The following PDSS1 variants were observed in gnomAD, a reference collection of about 807,000 sequenced individuals.
The protein encoded by PDSS1 is decaprenyl diphosphate synthase subunit 1, also known as all trans-polyprenyl-diphosphate synthase PDSS1.
A neutral mutation model predicts 57.5 loss-of-function variants in PDSS1; 43 were observed. That is an observed-to-expected ratio of 0.75 (90% CI 0.59 to 0.96). PDSS1 has a LOEUF of 0.96. Ranked by LOEUF, PDSS1 falls within the 50% of genes least tolerant of loss-of-function variation. The pLI is 0.00. For missense variants in PDSS1, 438 were observed against 527.8 expected, an observed-to-expected ratio of 0.83 and a Z score of 1.67; for synonymous variants, 175 against 191.3, an observed-to-expected ratio of 0.91 and a Z score of 0.70.
chr10:26,742,602 GGCA>G (rs1836665795), intron 11 of PDSS1, 25 bp downstream of exon 11: 2 of 1,425,826 alleles, frequency 1.4e-6, no homozygotes, highest in Non-Finnish European at 2.0e-6. Context: ...TTAAAAAAAA[GGCA>G]GCAGCAGGAA....
rs1188890992 is a variant in PDSS1 at position 26,705,333 on chromosome 10, A to T, written c.275A>T (p.Tyr92Phe). ...PDSKTHSGEK[Y>F]TDPFKLGWRD... The stretch of plus-strand genomic sequence containing the variant: ...AGTAAAACACACAGTGGTGAAAAAT[A>T]CACCGATCCTTTCAAACTCGGTTGG... The change falls in exon 4 of 12, where the codon TAC becomes TTC. Residue 92 changes from tyrosine to phenylalanine, a missense_variant. Tyr to Phe is a conservative substitution (Grantham distance 22). Around this residue, in one of 2 missense-constraint regions of PDSS1, gnomAD observed 154 missense variants for 137.0 expected, o/e 1.12. Transcript: ENST00000376215. 1.9e-6 allele frequency: 3 copies of T among 1,613,362 alleles called. No individual in the cohort carries two copies. The highest frequency in any genetic ancestry group is 2.5e-6 in the Non-Finnish European group (3 of 1,179,464).
At chr10:26,734,001 C>A (rs1431824708) in intron 8 of PDSS1, among the ~76,000 whole-genome samples, 4 of 152,142 alleles carry the variant, frequency 2.6e-5, no homozygotes, top group Non-Finnish European at 4.4e-5. Flanking sequence ...AGCAAACACA[C>A]ATTGAGTTCT....
At chr10:26,744,736 C>T (rs1388091432) in intron 11 of PDSS1, among the ~76,000 whole-genome samples, 3 of 152,018 alleles carry the variant, frequency 2.0e-5, no homozygotes, top group African/African-American at 4.8e-5. Flanking sequence ...TTCAGGAAAA[C>T]GTGTGGAAAA....
intron 4 of PDSS1, among the ~76,000 whole-genome samples, chr10:26,708,286 G>A (rs186962823): frequency 6.6e-6 from 1 of 152,316 alleles, no homozygotes; most frequent in East Asian, 1.9e-4. Context: ...GCATCCAGGG[G>A]ATAAACTCTG....
chr10:26,740,699 C>G (rs878932861), intron 10 of PDSS1: 1 of 456,600 alleles, frequency 2.2e-6, no homozygotes, highest in Non-Finnish European at 4.4e-6. Context: ...TGGCCAAAAT[C>G]AAACACATCT....
intron 8 of PDSS1, among the ~76,000 whole-genome samples, chr10:26,726,542 A>G (rs748758965): frequency 1.3e-5 from 2 of 152,222 alleles, no homozygotes; most frequent in Non-Finnish European, 2.9e-5. Flanking sequence ...AGCAAATTAG[A>G]CACACCAAAA....
rs1401126887 is a variant in PDSS1, at chr10:26,713,023, T to C, written c.467+3255T>C. Reference sequence around the variant, plus strand: ...AATTGGGGATTTTTGCTGGGCACAGTGGCTCACGCCTGTAATCCCAGCACT... The same window carrying C: ...AATTGGGGATTTTTGCTGGGCACAGCGGCTCACGCCTGTAATCCCAGCACT... On this transcript the variant is annotated intron_variant, in intron 5 of 11. Transcript: ENST00000376215. Among the ~76,000 whole-genome samples, 2 of 96,388 alleles carry C rather than the reference T, an allele frequency of 2.1e-5. 1 individual carries two copies. Among genetic ancestry groups the C allele is most frequent in the East Asian group, 5.0e-4 (2 of 3,970 alleles). The allele number at this position is 96,388 out of a possible 152,430, so 63.2% of individuals were successfully genotyped here. A position where few individuals can be genotyped will look rare whatever the true frequency, so the allele number is the denominator to read the frequency against.
intron 10 of PDSS1, chr10:26,740,842 G>A (rs528081201): frequency 6.8e-5 from 24 of 350,558 alleles, no homozygotes; most frequent in Non-Finnish European, 1.1e-4. Context: ...ACTAGAGTTC[G>A]GATCTAGGAA....
rs1394609405 is a variant in PDSS1 at position 26,710,490 on chromosome 10, G to A, written c.467+722G>A. Among the ~76,000 whole-genome samples, 6 of 92,296 alleles carry A rather than the reference G, an allele frequency of 6.5e-5. 2 individuals carry two copies. The highest frequency in any genetic ancestry group is 1.1e-4 in the African/African-American group (3 of 28,332). 60.5% of individuals were successfully genotyped at this position (92,296 alleles called of 152,430 possible). On this transcript the variant is annotated intron_variant, in intron 5 of 11. Transcript: ENST00000376215. ...TCTCAAGGTATGAGCCACCATGCCCGGCTAATTTTTTTTTTTTTTTTGTAT... is the reference window on the plus strand; with the variant it reads ...TCTCAAGGTATGAGCCACCATGCCCAGCTAATTTTTTTTTTTTTTTTGTAT...
chr10:26,745,563 T>G (rs1340115884), intron 11 of PDSS1, among the ~76,000 whole-genome samples: 2 of 151,924 alleles, frequency 1.3e-5, no homozygotes, highest in Admixed American at 1.3e-4. Context: ...AAATAAAAAC[T>G]AGGCTGGGCA....
chr10:26,735,691 G>A lies in PDSS1; in HGVS notation c.1026+112G>A, dbSNP rs543154746. 3.0e-4 allele frequency: 219 copies of A among 730,162 alleles called. 1 individual carries two copies. In the East Asian group the frequency reaches 5.4e-3, roughly 18 times the overall value. The allele number at this position is 730,162 out of a possible 1,614,324, so 45.2% of individuals were successfully genotyped here. A position where few individuals can be genotyped will look rare whatever the true frequency, so the allele number is the denominator to read the frequency against. Reference sequence around the variant, plus strand: ...AAAGGAATAGATGGGAAGGCATTCAGATAAGAGATCACAGGTCTGCATTTG... The same window carrying A: ...AAAGGAATAGATGGGAAGGCATTCAAATAAGAGATCACAGGTCTGCATTTG... On this transcript the variant is annotated intron_variant, in intron 10 of 11. Transcript: ENST00000376215.
At chr10:26,700,390 G>A (rs549257268) in intron 1 of PDSS1, among the ~76,000 whole-genome samples, 1 of 152,196 alleles carries the variant, frequency 6.6e-6, no homozygotes, top group Non-Finnish European at 1.5e-5. Flanking sequence ...AATCCCTTTA[G>A]CTCAGGAGTT....
rs1588682629 is a variant in PDSS1, at chr10:26,716,622, C to T, written c.468-3596C>T. Reference sequence around the variant, plus strand: ...CAGAAGAATCACTAAAACAAGGAGGCGAAGGTTGCAGTGAGTCAAGATTGC... The same window carrying T: ...CAGAAGAATCACTAAAACAAGGAGGTGAAGGTTGCAGTGAGTCAAGATTGC... On this transcript the variant is annotated intron_variant, in intron 5 of 11. Coordinates refer to ENST00000376215, the MANE Select transcript of PDSS1 (RefSeq NM_014317.5). 3.3e-5 allele frequency among the ~76,000 whole-genome samples: 5 copies of T among 151,568 alleles called. No individual in the cohort carries two copies. In the South Asian group the frequency reaches 8.3e-4, roughly 25 times the overall value.
intron 1 of PDSS1, among the ~76,000 whole-genome samples, chr10:26,700,607 T>C (rs1835022120): frequency 6.6e-6 from 1 of 152,076 alleles, no homozygotes; most frequent in Non-Finnish European, 1.5e-5. Context: ...TCTGCTGGTT[T>C]TATAAGTGTT....
intron 8 of PDSS1, among the ~76,000 whole-genome samples, chr10:26,724,577 G>GT (rs1172213473): frequency 1.3e-5 from 2 of 151,218 alleles, no homozygotes; most frequent in African/African-American, 2.4e-5. Context: ...TTGTTTTTTT[G>GT]TTTTTTGTGT....
chr10:26,700,336 G>T (rs543612226), intron 1 of PDSS1, among the ~76,000 whole-genome samples: 146 of 151,208 alleles, frequency 9.7e-4, no homozygotes, highest in African/African-American at 3.5e-3. Context: ...GAGCGTGGTG[G>T]CTCACGCCTG....
chr10:26,704,031 G>C (rs570480502), intron 2 of PDSS1, among the ~76,000 whole-genome samples: 1 of 128,874 alleles, frequency 7.8e-6, no homozygotes, highest in East Asian at 2.6e-4. Context: ...GCAGTGAGCC[G>C]AGATAGCGCC....
At chr10:26,705,500 G>A (rs1317620367) in intron 4 of PDSS1, 106 bp downstream of exon 4, 3 of 446,942 alleles carry the variant, frequency 6.7e-6, no homozygotes, top group South Asian at 5.8e-5. Context: ...TTGAGCTGGA[G>A]TCTCACTCTG....
At chr10:26,743,088 A>G (rs769779533) in intron 11 of PDSS1, among the ~76,000 whole-genome samples, 3 of 152,362 alleles carry the variant, frequency 2.0e-5, no homozygotes, top group Non-Finnish European at 2.9e-5. Context: ...CAATAAACCA[A>G]CACAGGCAAA....
Sources: gnomAD v4.1 joint callset for allele counts (sites outside exome capture counted in the v4.1 genomes callset) on GRCh38, gnomAD v4.1.1 for gene constraint, gnomAD v4.1.1 regional missense constraint, MANE v1.5 for transcripts, NCBI Gene and HGNC (gene_info 2026-07-23, HGNC 2026-07-21) for gene names.